The following DSCAM variants were observed in gnomAD, a reference collection of about 807,000 sequenced individuals.
DSCAM encodes the protein cell adhesion molecule DSCAM.
A neutral mutation model predicts 217.7 loss-of-function variants in DSCAM; 47 were observed. The ratio of observed to expected loss-of-function variants is 0.22; its 90% CI spans 0.17 to 0.28. The LOEUF (loss-of-function observed/expected upper bound fraction) is 0.28. DSCAM is among the 10% of genes least tolerant of loss of function. The probability of loss-of-function intolerance (pLI) is 1.00; values close to 1 mark genes in which losing one functional copy is unlikely to be tolerated. For missense variants in DSCAM, 2,080 were observed against 2,618.3 expected, an observed-to-expected ratio of 0.79 and a Z score of 4.49; for synonymous variants, 1,056 against 1,015.3, an observed-to-expected ratio of 1.04 and a Z score of -0.76.
chr21:40,188,823 T>G (rs1178845321), intron 12 of DSCAM, among the ~76,000 whole-genome samples: 2 of 151,454 alleles, frequency 1.3e-5, no homozygotes, highest in African/African-American at 4.9e-5. Flanking sequence ...GGTTCCCTGC[T>G]GCGTTCATAA....
chr21:40,353,551 A>G lies in DSCAM; in HGVS notation c.848T>C (p.Ile283Thr). ...ATAGCTGCCTGAGTCCGAGGGGCGA[A>G]TGTTCTCAATGAGCAGCCCCGTCAC... is the stretch of plus-strand genomic sequence containing the variant. ...KTVTGLLIEN[I>T]RPSDSGSYVC... The change falls in exon 5 of 33, where the codon ATT becomes ACT. Residue 283 changes from isoleucine to threonine, a missense_variant. This residue lies in a region of DSCAM where 568 missense variants were observed against 678.1 expected (regional missense o/e 0.84). Coordinates refer to ENST00000400454, the MANE Select transcript of DSCAM (RefSeq NM_001389.5). 1 of 1,611,892 alleles carries G rather than the reference A, an allele frequency of 6.2e-7. No homozygotes were observed. Among genetic ancestry groups the G allele is most frequent in the Non-Finnish European group, 8.5e-7 (1 of 1,179,342 alleles).
At position 40,178,937 on chromosome 21, in the gene DSCAM, C is replaced by T. The variant is rs1031920480; in HGVS notation, c.2937G>A (p.Ala979=). 1.9e-6 allele frequency: 3 copies of T among 1,613,664 alleles called. No individual in the cohort carries two copies. Among genetic ancestry groups the T allele is most frequent in the South Asian group, 1.1e-5 (1 of 91,046 alleles). Residue 979 remains alanine (A), a synonymous_variant, in exon 15 of 33, where the codon GCG becomes GCA. Transcript: ENST00000400454. The part of the protein sequence containing the change: ...SEPSNELTIT[A]DEAAPDGPPQ... The stretch of plus-strand genomic sequence containing the variant: ...CCCGGTCCCACGTACCTGCCTCGTC[C>T]GCCGTGATGGTGAGCTCGTTGCTGG...
At chr21:40,430,661 A>G (rs2075522079) in intron 3 of DSCAM, among the ~76,000 whole-genome samples, 1 of 152,208 alleles carries the variant, frequency 6.6e-6, no homozygotes. Flanking sequence ...TCTGTCCTCT[A>G]GAGAACCCCA....
intron 3 of DSCAM, among the ~76,000 whole-genome samples, chr21:40,451,490 C>A (rs1482533205): frequency 6.6e-6 from 1 of 152,142 alleles, no homozygotes; most frequent in African/African-American, 2.4e-5. Context: ...GTGATGTATT[C>A]ATAAGAATCC....
At chr21:40,602,379 G>C (rs1459019578) in intron 3 of DSCAM, among the ~76,000 whole-genome samples, 1 of 152,122 alleles carries the variant, frequency 6.6e-6, no homozygotes, top group African/African-American at 2.4e-5. Context: ...TTTTTAGGAA[G>C]AGATTGCAAA....
intron 14 of DSCAM, among the ~76,000 whole-genome samples, chr21:40,186,753 G>A (rs1379060459): frequency 1.3e-5 from 2 of 152,166 alleles, no homozygotes; most frequent in Middle Eastern, 6.3e-3. Flanking sequence ...ATGGGCTCAG[G>A]CTCTACAAAA....
At chr21:40,656,653 A>G (rs1324869533) in intron 3 of DSCAM, among the ~76,000 whole-genome samples, 1 of 152,186 alleles carries the variant, frequency 6.6e-6, no homozygotes, top group Non-Finnish European at 1.5e-5. Context: ...ACCTTAAGAC[A>G]GTGAATTGCA....
At chr21:40,161,680 C>T (rs1427921016) in intron 16 of DSCAM, among the ~76,000 whole-genome samples, 3 of 151,954 alleles carry the variant, frequency 2.0e-5, no homozygotes, top group Non-Finnish European at 2.9e-5. Flanking sequence ...AGGTTAGACT[C>T]GTTAATATGA....
At chr21:40,429,147 T>C (rs2075505468) in intron 3 of DSCAM, among the ~76,000 whole-genome samples, 1 of 152,232 alleles carries the variant, frequency 6.6e-6, no homozygotes, top group African/African-American at 2.4e-5. Flanking sequence ...AATATAATAA[T>C]GTTTTTCATT....
intron 11 of DSCAM, among the ~76,000 whole-genome samples, chr21:40,217,172 T>C (rs2091251211): frequency 6.6e-6 from 1 of 152,236 alleles, no homozygotes; most frequent in African/African-American, 2.4e-5. Flanking sequence ...TATCTTATTA[T>C]TGTATTACAT....
At position 40,248,912 on chromosome 21, in the gene DSCAM, G is replaced by A. The variant is rs116469509; in HGVS notation, c.2356+27185C>T. Among the ~76,000 whole-genome samples the A allele has an allele frequency of 8.0e-3, 1,216 of 152,236 alleles. 23 individuals are homozygous for A. The highest frequency in any genetic ancestry group is 0.028 in the African/African-American group (1,165 of 41,544). On this transcript the variant is annotated intron_variant, in intron 11 of 32. Coordinates refer to ENST00000400454, the MANE Select transcript of DSCAM (RefSeq NM_001389.5). ...AGGAGGCGAAAGCCACTTCTTACAT[G>A]GTGGCGGCAAGAGAAAAATGAAGAT...
chr21:40,704,205 T>C (rs1009114951), intron 2 of DSCAM, among the ~76,000 whole-genome samples: 18 of 152,200 alleles, frequency 1.2e-4, no homozygotes, highest in African/African-American at 3.4e-4. Context: ...CTCCTGACTA[T>C]CCCCTGGAAA....
chr21:40,336,955 G>A (rs1384431670), intron 8 of DSCAM, among the ~76,000 whole-genome samples: 1 of 152,160 alleles, frequency 6.6e-6, no homozygotes, highest in African/African-American at 2.4e-5. Flanking sequence ...CTAGTGATTT[G>A]AGGAAATTCT....
intron 11 of DSCAM, among the ~76,000 whole-genome samples, chr21:40,245,683 A>T (rs2073214381): frequency 6.6e-6 from 1 of 152,202 alleles, no homozygotes; most frequent in Admixed American, 6.5e-5. Flanking sequence ...CCAGGAATTA[A>T]CAAATGAGGA....
Position 40,732,693 on chromosome 21 carries a change from C to G in DSCAM, c.44-23922G>C, listed in dbSNP as rs1215826887. On this transcript the variant is annotated intron_variant, in intron 1 of 32. Transcript: ENST00000400454. ...CTAATTAGCTACTTGTATCATAAAA[C>G]TAGAAAAGTCTAGCCTGAATCCAAG... Among the ~76,000 whole-genome samples the G allele has an allele frequency of 2.6e-5, 4 of 152,204 alleles. No individual in the cohort carries two copies. In the East Asian group the frequency reaches 7.7e-4, roughly 29 times the overall value.
At chr21:40,787,196 T>A (rs2123451519) in intron 1 of DSCAM, among the ~76,000 whole-genome samples, 1 of 152,358 alleles carries the variant, frequency 6.6e-6, no homozygotes, top group South Asian at 2.1e-4. Flanking sequence ...TCAAAAGTGA[T>A]GTCAATCTTA....
chr21:40,273,730 A>G (rs146245138), intron 11 of DSCAM, among the ~76,000 whole-genome samples: 2 of 152,302 alleles, frequency 1.3e-5, no homozygotes, highest in African/African-American at 4.8e-5. Flanking sequence ...CTAAGGCTGG[A>G]AGTCTGAGAT....
chr21:40,183,709 T>C (rs1411019126), intron 14 of DSCAM, among the ~76,000 whole-genome samples: 1 of 152,210 alleles, frequency 6.6e-6, no homozygotes, highest in African/African-American at 2.4e-5. Context: ...CTGTGCTCCC[T>C]GGGTTAGTGA....
chr21:40,587,851 G>A (rs1411552244), intron 3 of DSCAM, among the ~76,000 whole-genome samples: 1 of 151,990 alleles, frequency 6.6e-6, no homozygotes, highest in African/African-American at 2.4e-5. Flanking sequence ...CTGTCTCAGT[G>A]GATTTGGCAA....
Sources: gnomAD v4.1 joint callset for allele counts (sites outside exome capture counted in the v4.1 genomes callset) on GRCh38, gnomAD v4.1.1 for gene constraint, gnomAD v4.1.1 regional missense constraint, MANE v1.5 for transcripts, NCBI Gene and HGNC (gene_info 2026-07-23, HGNC 2026-07-21) for gene names.